CCDC3: variants seen among roughly 807,000 people sequenced by gnomAD.
CCDC3 encodes coiled-coil domain-containing protein 3.
Under a neutral mutation model 21.4 loss-of-function variants are expected in CCDC3, and 24 were observed. The ratio of observed to expected loss-of-function variants is 1.12; its 90% CI spans 0.81 to 1.58. CCDC3 has a LOEUF of 1.58. CCDC3 is among the 40% of genes most tolerant of loss of function. CCDC3 has a pLI of 0.00. For synonymous variants in CCDC3, 186 were observed against 166.0 expected, an observed-to-expected ratio of 1.12 and a Z score of -0.93; for missense variants, 425 against 360.9, an observed-to-expected ratio of 1.18 and a Z score of -1.44.
intron 2 of CCDC3, among the ~76,000 whole-genome samples, chr10:12,964,914 G>C (rs1416643352): frequency 1.3e-5 from 2 of 152,212 alleles, no homozygotes; most frequent in Admixed American, 1.3e-4. Context: ...CTTTGAGCTG[G>C]AGGAACTTGA....
rs189456098 is a variant in CCDC3, at chr10:13,048,439, A to G, written c.-2+1235T>C. On this transcript the variant is annotated intron_variant, in intron 5 of 6. Transcript: ENST00000378839. ...GATTTCCTGACCTTGTGATCTGCCC[A>G]CCTCGGCCTCCCAAAGTGCTGGGAT... 5.3e-5 allele frequency among the ~76,000 whole-genome samples: 8 copies of G among 152,122 alleles called. No homozygotes were observed. In the South Asian group the frequency reaches 8.3e-4, roughly 16 times the overall value.
chr10:13,087,175 C>T (rs954212452), intron 3 of CCDC3, among the ~76,000 whole-genome samples: 7 of 152,144 alleles, frequency 4.6e-5, no homozygotes, highest in East Asian at 1.9e-4. Flanking sequence ...AAGGCCAAGG[C>T]GGGTGGATCA....
chr10:12,911,813 C>T (rs1019896700), intron 2 of CCDC3, among the ~76,000 whole-genome samples: 1 of 152,024 alleles, frequency 6.6e-6, no homozygotes, highest in South Asian at 2.1e-4. Context: ...CTTCCAATAC[C>T]CCTTCCAAGT....
At chr10:13,005,546 C>T (rs1835916046), upstream of CCDC3, among the ~76,000 whole-genome samples, 1 of 152,228 alleles carries the variant, frequency 6.6e-6, no homozygotes, top group Admixed American at 6.5e-5. Flanking sequence ...ATCTCTACCA[C>T]AGCCTAGTAG....
At chr10:12,907,028 C>G (rs1304643852) in intron 2 of CCDC3, among the ~76,000 whole-genome samples, 1 of 152,146 alleles carries the variant, frequency 6.6e-6, no homozygotes. Context: ...CCTGGTTCCT[C>G]CTGAAGTCTT....
chr10:13,083,773 T>TTG (rs1432383404), intron 3 of CCDC3, among the ~76,000 whole-genome samples: 1 of 152,228 alleles, frequency 6.6e-6, no homozygotes, highest in Non-Finnish European at 1.5e-5. Flanking sequence ...TCAGTTTAGA[T>TTG]TGTGAGGTCT....
chr10:12,972,572 T>C (rs545615760), intron 2 of CCDC3, among the ~76,000 whole-genome samples: 3 of 152,266 alleles, frequency 2.0e-5, no homozygotes, highest in African/African-American at 7.2e-5. Flanking sequence ...TACCAGCACT[T>C]TGGGAGGCCA....
rs533879136 is a variant in CCDC3 at position 13,019,095 on chromosome 10, G to A, written c.-1-20583C>T. 5.0e-4 allele frequency among the ~76,000 whole-genome samples: 76 copies of A among 152,232 alleles called. 1 individual carries two copies. Among genetic ancestry groups the A allele is most frequent in the Middle Eastern group, 3.4e-3 (1 of 294 alleles). On this transcript the variant is annotated intron_variant, in intron 5 of 6. Transcript: ENST00000378839. ...AAAAATACAAAAAAATTAGCCGGGC[G>A]TGGTGGCAGGCTCCTGTAGTCCCAG...
At chr10:12,935,493 GT>G (rs1834722110) in intron 2 of CCDC3, among the ~76,000 whole-genome samples, 1 of 152,120 alleles carries the variant, frequency 6.6e-6, no homozygotes. Context: ...ATCGGTTACT[GT>G]TTTCTATTCA....
intron 5 of CCDC3, among the ~76,000 whole-genome samples, chr10:13,044,172 GC>G (rs1320926324): frequency 1.3e-5 from 2 of 152,116 alleles, no homozygotes; most frequent in African/African-American, 4.8e-5. Flanking sequence ...AGAAGTGTCT[GC>G]CCATGTCTTT....
At chr10:13,087,777 C>T (rs751278684) in intron 3 of CCDC3, among the ~76,000 whole-genome samples, 21 of 152,210 alleles carry the variant, frequency 1.4e-4, no homozygotes, top group East Asian at 1.9e-4. Flanking sequence ...AAGCCATAGC[C>T]GCCGCTTTCC....
chr10:12,955,940 T>C (rs913130264), intron 2 of CCDC3, among the ~76,000 whole-genome samples: 1 of 152,142 alleles, frequency 6.6e-6, no homozygotes, highest in Non-Finnish European at 1.5e-5. Context: ...ACGCCTGACC[T>C]CAAGTGACCT....
chr10:13,041,123 A>C (rs1358865755), intron 5 of CCDC3, among the ~76,000 whole-genome samples: 3 of 152,148 alleles, frequency 2.0e-5, no homozygotes, highest in South Asian at 4.1e-4. Context: ...TAAGAAAAAA[A>C]ATTTCTCCTC....
At chr10:13,075,766 G>A (rs552393811) in intron 3 of CCDC3, among the ~76,000 whole-genome samples, 45 of 152,056 alleles carry the variant, frequency 3.0e-4, no homozygotes, top group Non-Finnish European at 4.7e-4. Flanking sequence ...GTGGGTAGGC[G>A]CACGGGCATG....
chr10:13,068,608 G>A (rs1444967295), intron 4 of CCDC3, among the ~76,000 whole-genome samples: 59 of 152,028 alleles, frequency 3.9e-4, no homozygotes, highest in Non-Finnish European at 2.9e-5. Flanking sequence ...TTTGGTTTTT[G>A]TGAACAGTTT....
chr10:13,084,252 T>G (rs536119234), intron 3 of CCDC3, among the ~76,000 whole-genome samples: 12 of 151,640 alleles, frequency 7.9e-5, no homozygotes, highest in African/African-American at 2.9e-4. Context: ...GTCTATGGAG[T>G]AGCCATCTTT....
At chr10:12,987,161 G>A (rs536661074) in intron 2 of CCDC3, among the ~76,000 whole-genome samples, 4 of 152,204 alleles carry the variant, frequency 2.6e-5, no homozygotes, top group South Asian at 2.1e-4. Flanking sequence ...TAAATTCATC[G>A]TCTCTCACCT....
intron 5 of CCDC3, among the ~76,000 whole-genome samples, chr10:13,025,456 T>C (rs905752023): frequency 3.3e-5 from 5 of 152,132 alleles, no homozygotes; most frequent in African/African-American, 1.2e-4. Flanking sequence ...CACTAAGGAG[T>C]AGTTTAGTGA....
At chr10:12,941,237 G>A (rs995515144) in intron 2 of CCDC3, among the ~76,000 whole-genome samples, 3 of 152,296 alleles carry the variant, frequency 2.0e-5, no homozygotes, top group Middle Eastern at 3.4e-3. Flanking sequence ...AAATGCCAAG[G>A]CCACATCAGG....
Sources: gnomAD v4.1 joint callset for allele counts (sites outside exome capture counted in the v4.1 genomes callset) on GRCh38, gnomAD v4.1.1 for gene constraint, MANE v1.5 for transcripts, NCBI Gene and HGNC (gene_info 2026-07-23, HGNC 2026-07-21) for gene names.